The following LINGO2 variants were observed in gnomAD, a reference collection of about 807,000 sequenced individuals.
The protein encoded by LINGO2 is leucine rich repeat and Ig domain containing 2, also known as leucine-rich repeat and immunoglobulin-like domain-containing nogo receptor-interacting protein 2.
In LINGO2, 14 loss-of-function variants were observed where a neutral mutation model predicts 30.6. The ratio of observed to expected loss-of-function variants is 0.46; its 90% CI spans 0.30 to 0.72. The LOEUF is 0.72. LINGO2 is among the 30% of genes least tolerant of loss of function. LINGO2 has a pLI of 0.07. For missense variants in LINGO2, 729 were observed against 751.7 expected (o/e 0.97, Z 0.35); for synonymous variants, 317 against 288.5 (o/e 1.10, Z -1.00).
At chr9:27,987,211 T>C (rs1436049078) in intron 5 of LINGO2, among the ~76,000 whole-genome samples, 1 of 151,884 alleles carries the variant, frequency 6.6e-6, no homozygotes, top group East Asian at 1.9e-4. Flanking sequence ...TAAGTAGCTA[T>C]TAGTTTTGAG....
intron 2 of LINGO2, among the ~76,000 whole-genome samples, chr9:28,380,392 T>TTTTG (rs1821304358): frequency 6.8e-6 from 1 of 147,268 alleles, no homozygotes; most frequent in Non-Finnish European, 1.5e-5. Flanking sequence ...CTATAAAGGT[T>TTTTG]TTTTTTTTTT....
chr9:29,188,885 C>G, the LINGO2 span, among the ~76,000 whole-genome samples: 2 of 149,492 alleles, frequency 1.3e-5, no homozygotes, highest in African/African-American at 4.9e-5. Context: ...CAGAGGGGCT[C>G]CTCACTTCCC....
At chr9:28,894,320 T>C in the LINGO2 span, among the ~76,000 whole-genome samples, 1 of 152,122 alleles carries the variant, frequency 6.6e-6, no homozygotes, top group East Asian at 1.9e-4. Flanking sequence ...TAGGTGCTAT[T>C]TATATATTTT....
intron 5 of LINGO2, among the ~76,000 whole-genome samples, chr9:27,951,352 A>C (rs1819300386): frequency 6.6e-6 from 1 of 152,238 alleles, no homozygotes; most frequent in Non-Finnish European, 1.5e-5. Flanking sequence ...TTTGAGGCAG[A>C]CAAAAGATCC....
chr9:28,217,182 G>A (rs539680644), intron 4 of LINGO2, among the ~76,000 whole-genome samples: 29 of 150,926 alleles, frequency 1.9e-4, no homozygotes, highest in African/African-American at 6.8e-4. Context: ...TATGTGAATT[G>A]ATTGAGTGGT....
chr9:28,794,149 C>A, the LINGO2 span, among the ~76,000 whole-genome samples: 8 of 151,976 alleles, frequency 5.3e-5, no homozygotes, highest in Non-Finnish European at 1.2e-4. Flanking sequence ...ACTAAAAATA[C>A]GAAAATTAGC....
At chr9:29,076,527 G>A in the LINGO2 span, among the ~76,000 whole-genome samples, 1 of 150,038 alleles carries the variant, frequency 6.7e-6, no homozygotes, top group Admixed American at 6.7e-5. Context: ...TATGGTATAG[G>A]CAGAGTGGTT....
At chr9:28,773,701 A>G in the LINGO2 span, among the ~76,000 whole-genome samples, 1 of 152,152 alleles carries the variant, frequency 6.6e-6, no homozygotes, top group South Asian at 2.1e-4. Flanking sequence ...TTTGCTCTCA[A>G]TGAAAACTCA....
At chr9:28,431,868 G>A (rs1364974200) in intron 2 of LINGO2, among the ~76,000 whole-genome samples, 1 of 151,564 alleles carries the variant, frequency 6.6e-6, no homozygotes, top group African/African-American at 2.4e-5. Flanking sequence ...TTCATTCTCT[G>A]TCTCCAACAA....
At chr9:28,424,778 A>T (rs953367000) in intron 2 of LINGO2, among the ~76,000 whole-genome samples, 1 of 152,082 alleles carries the variant, frequency 6.6e-6, no homozygotes, top group Non-Finnish European at 1.5e-5. Context: ...GTTTAGCTAC[A>T]CTTGTGTCAA....
the LINGO2 span, among the ~76,000 whole-genome samples, chr9:28,994,458 G>A: frequency 6.6e-6 from 1 of 151,428 alleles, no homozygotes; most frequent in East Asian, 1.9e-4. Context: ...GTAATTTATG[G>A]ATTCAATGCC....
chr9:28,571,732 C>T (rs894509527), intron 1 of LINGO2, among the ~76,000 whole-genome samples: 19 of 152,032 alleles, frequency 1.2e-4, no homozygotes, highest in African/African-American at 4.6e-4. Flanking sequence ...GGGCTTACCT[C>T]ATCATCATTC....
chr9:28,021,777 C>T (rs901964161), intron 4 of LINGO2, among the ~76,000 whole-genome samples: 3 of 152,002 alleles, frequency 2.0e-5, no homozygotes, highest in Admixed American at 6.6e-5. Flanking sequence ...AAGTCAGTTT[C>T]GTTTAATACA....
chr9:28,276,599 T>A (rs1456981071), intron 4 of LINGO2, among the ~76,000 whole-genome samples: 1 of 152,196 alleles, frequency 6.6e-6, no homozygotes, highest in African/African-American at 2.4e-5. Flanking sequence ...GTTGGAAAAG[T>A]CTTTGTTGGA....
chr9:27,989,066 A>T (rs1821264052), intron 5 of LINGO2, among the ~76,000 whole-genome samples: 1 of 151,938 alleles, frequency 6.6e-6, no homozygotes, highest in African/African-American at 2.4e-5. Context: ...CCATCAGAGC[A>T]GTCAGTTCGC....
intron 1 of LINGO2, among the ~76,000 whole-genome samples, chr9:28,647,471 T>G (rs1445593824): frequency 6.6e-6 from 1 of 152,158 alleles, no homozygotes; most frequent in African/African-American, 2.4e-5. Flanking sequence ...GAATGTTTTC[T>G]GTCTCTAGAC....
chr9:29,078,650 G>A, the LINGO2 span, among the ~76,000 whole-genome samples: 7 of 151,830 alleles, frequency 4.6e-5, no homozygotes, highest in African/African-American at 1.5e-4. Flanking sequence ...TCGGATATAC[G>A]TACACATATA....
chr9:28,349,543 G>A (rs1819758651), intron 3 of LINGO2, among the ~76,000 whole-genome samples: 1 of 122,708 alleles, frequency 8.1e-6, no homozygotes, highest in Non-Finnish European at 1.7e-5. Flanking sequence ...TGAAAGTGAT[G>A]GGGAGAATGG....
chr9:28,826,043 T>C, the LINGO2 span, among the ~76,000 whole-genome samples: 1 of 152,136 alleles, frequency 6.6e-6, no homozygotes, highest in African/African-American at 2.4e-5. Context: ...GATAATTCAG[T>C]TACCTTAACA....
Sources: gnomAD v4.1 joint callset for allele counts (sites outside exome capture counted in the v4.1 genomes callset) on GRCh38, gnomAD v4.1.1 for gene constraint, MANE v1.5 for transcripts, NCBI Gene and HGNC (gene_info 2026-07-23, HGNC 2026-07-21) for gene names.